Variants in TULP2 observed in about 807,000 individuals in gnomAD.
The protein encoded by TULP2 is tubby-related protein 2.
In TULP2, 64 loss-of-function variants were observed where a neutral mutation model predicts 60.3. That is an observed-to-expected ratio of 1.06 (90% confidence interval 0.87 to 1.31). The LOEUF (loss-of-function observed/expected upper bound fraction) is 1.31. Among genes scored for constraint, TULP2 ranks in the 50% most tolerant of loss-of-function variants. TULP2 has a pLI of 0.00. For synonymous variants in TULP2, 267 were observed against 265.4 expected, an observed-to-expected ratio of 1.01 and a Z score of -0.06; for missense variants, 652 against 667.0, an observed-to-expected ratio of 0.98 and a Z score of 0.25.
intron 6 of TULP2, among the ~76,000 whole-genome samples, chr19:48,890,979 A>G (rs2037227004): frequency 6.6e-6 from 1 of 152,132 alleles, no homozygotes; most frequent in African/African-American, 2.4e-5. Context: ...TAAGGGAATA[A>G]AAAGGAATGA....
At chr19:48,882,333 T>C (rs2037142185) in intron 11 of TULP2, 130 bp from the exon 12 acceptor site, 1 of 986,928 alleles carries the variant, frequency 1.0e-6, no homozygotes, top group Non-Finnish European at 1.5e-6. Flanking sequence ...GGATGAGACC[T>C]GCTGGGCTGC....
In TULP2 at chr19:48,882,163, T is replaced by G; in HGVS notation, c.1316A>C (p.Lys439Thr). 6.2e-7 allele frequency: 1 copy of G among 1,614,234 alleles called. No individual in the cohort carries two copies. Reference protein sequence around the residue: ...SLLSRYQRGDKQGLLLLHNKT... With the variant: ...SLLSRYQRGDTQGLLLLHNKT... Reference sequence around the variant, plus strand: ...GTTGTGCAACAAAAGCAACCCTTGTTTGTCCCCACGTTGGTAACGACTCAG... The same window carrying G: ...GTTGTGCAACAAAAGCAACCCTTGTGTGTCCCCACGTTGGTAACGACTCAG... Residue 439 changes from lysine to threonine, a missense_variant, in exon 12 of 13, where the codon AAA becomes ACA. Coordinates refer to ENST00000221399, the MANE Select transcript of TULP2 (RefSeq NM_003323.3).
At chr19:48,889,735 T>C in intron 6 of TULP2, 104 bp from the exon 7 acceptor site, 1 of 982,526 alleles carries the variant, frequency 1.0e-6, no homozygotes, top group South Asian at 2.0e-5. Flanking sequence ...CAAATTCTTC[T>C]GCCTTGGGAT....
rs540283383 is a variant in TULP2 at position 48,888,982 on chromosome 19, C to G, written c.636+528G>C. On this transcript the variant is annotated intron_variant, in intron 7 of 12. Coordinates refer to ENST00000221399, the MANE Select transcript of TULP2 (RefSeq NM_003323.3). ...TCTGAAGCTCGCTGTCTTTCCATGG[C>G]TGCACCTATTTTTTTTTTTTTTTGG... Among the ~76,000 whole-genome samples, 3 of 149,700 alleles carry G rather than the reference C, an allele frequency of 2.0e-5. No individual in the cohort carries two copies. The South Asian group carries it at 6.3e-4, about 31-fold the overall frequency.
Position 48,881,059 on chromosome 19 carries a change from T to G in TULP2, c.1515A>C (p.Pro505=). ...TGCTGAAGGCCTGGAGCGGGCTAAA[T>G]GGAAAGCAGAAGTCCATGGTGAATG... The part of the protein sequence containing the change: ...PDTFTMDFCF[P]FSPLQAFSIC... The change falls in exon 13 of 13, where the codon CCA becomes CCC. Residue 505 remains proline (P), a synonymous_variant. Transcript: ENST00000221399. 1 of 1,613,934 alleles carries G rather than the reference T, an allele frequency of 6.2e-7. No individual in the cohort carries two copies. The highest frequency in any genetic ancestry group is 8.5e-7 in the Non-Finnish European group (1 of 1,179,990).
At position 48,883,858 on chromosome 19, in the gene TULP2, G is replaced by T. The variant is rs1278164048; in HGVS notation, c.1177-6C>A. The T allele has an allele frequency of 1.2e-6, 2 of 1,613,912 alleles. No individual in the cohort carries two copies. The highest frequency in any genetic ancestry group is 1.7e-6 in the Non-Finnish European group (2 of 1,180,008). ...TATCCTAAGACGTTGGGCTCCTGGGGGTATTACATTCCAGTTGGCCTGGTT... is the reference window on the plus strand; with the variant it reads ...TATCCTAAGACGTTGGGCTCCTGGGTGTATTACATTCCAGTTGGCCTGGTT... On this transcript the variant is annotated splice_region_variant and splice_polypyrimidine_tract_variant and intron_variant, in intron 10 of 12. Coordinates refer to ENST00000221399, the MANE Select transcript of TULP2 (RefSeq NM_003323.3).
intron 9 of TULP2, among the ~76,000 whole-genome samples, chr19:48,884,490 G>T (rs958506879): frequency 5.9e-5 from 9 of 151,760 alleles, no homozygotes; most frequent in Non-Finnish European, 1.0e-4. Context: ...AATAAATGAG[G>T]CCGGGTACGG....
intron 9 of TULP2, among the ~76,000 whole-genome samples, chr19:48,884,556 T>C (rs1358252479): frequency 6.6e-6 from 1 of 151,930 alleles, no homozygotes; most frequent in Admixed American, 6.6e-5. Context: ...GGATCATCTG[T>C]GGTTGGGAGT....
In TULP2 at chr19:48,881,093, C is replaced by T. The variant is rs546297120; in HGVS notation, c.1481G>A (p.Gly494Asp). The T allele has an allele frequency of 2.9e-5, 47 of 1,613,466 alleles. No homozygotes were observed. In the South Asian group the frequency reaches 4.3e-4, roughly 15 times the overall value. Residue 494 changes from glycine to aspartate, a missense_variant, in exon 13 of 13, where the codon GGC becomes GAC. By Grantham distance (94) the Gly-to-Asp change is moderately conservative. Coordinates refer to ENST00000221399, the MANE Select transcript of TULP2 (RefSeq NM_003323.3). ...EHLVLQFGRVGPDTFTMDFCF... is the reference protein window; with the variant it reads ...EHLVLQFGRVDPDTFTMDFCF... ...GAAGTCCATGGTGAATGTGTCTGGG[C>T]CCACTCGGCCGAACTGGAGCACCAG...
chr19:48,883,919 C>T lies in TULP2; in HGVS notation c.1176+13G>A, dbSNP rs2037156948. 1 of 1,613,850 alleles carries T rather than the reference C, an allele frequency of 6.2e-7. No individual in the cohort carries two copies. The highest frequency in any genetic ancestry group is 1.3e-5 in the African/African-American group (1 of 74,864). The stretch of plus-strand genomic sequence containing the variant: ...ACTATCCTACCCCATTCTCTCATCC[C>T]CAGGACACTCACATAACACACAGCC... On this transcript the variant is annotated intron_variant, in intron 10 of 12. Transcript: ENST00000221399.
In TULP2 at chr19:48,894,979, C is replaced by T; in HGVS notation, c.514+19G>A. The T allele has an allele frequency of 1.2e-6, 2 of 1,604,824 alleles. No individual in the cohort carries two copies. The highest frequency in any genetic ancestry group is 1.7e-6 in the Non-Finnish European group (2 of 1,176,214). On this transcript the variant is annotated intron_variant, in intron 6 of 12. Transcript: ENST00000221399. ...GAACCAGGAGATCCCAGGTTTCACC[C>T]CAATGTCCCCTAAATTACCAGGTCG...
In TULP2 at chr19:48,897,473, C is replaced by G; in HGVS notation, c.33-77G>C. The G allele has an allele frequency of 1.4e-6, 2 of 1,476,570 alleles. No individual in the cohort carries two copies. The highest frequency in any genetic ancestry group is 1.9e-6 in the Non-Finnish European group (2 of 1,069,648). 91.5% of individuals were successfully genotyped at this position (1,476,570 alleles called of 1,614,324 possible). On this transcript the variant is annotated intron_variant, in intron 2 of 12. Transcript: ENST00000221399. The surrounding 1 kb of genome is among the most constrained non-coding windows in gnomAD (Gnocchi z 4.0). ...CAAGAGAGTCCCTCCTTCCCCCATC[C>G]TGCCCCTATCTCAGCTTGGGTTCTG...
At chr19:48,885,013 G>A (rs1010564936) in intron 9 of TULP2, among the ~76,000 whole-genome samples, 1 of 140,524 alleles carries the variant, frequency 7.1e-6, no homozygotes, top group African/African-American at 2.7e-5. Context: ...TGATTCTCCT[G>A]CATCAGCCTC....
intron 11 of TULP2, 92 bp from the exon 12 acceptor site, chr19:48,882,295 C>T (rs2123264719): frequency 7.1e-7 from 1 of 1,405,208 alleles, no homozygotes; most frequent in Non-Finnish European, 9.8e-7. Context: ...GGGGCGACTC[C>T]ATCTTGAACA....
chr19:48,883,830 A>G lies in TULP2; in HGVS notation c.1199T>C (p.Leu400Pro). ...VCYEPNVLGY[L>P]GPRKMTVILP... is the part of the protein sequence containing the mutation. ...AATCACAGTCATTTTCCGAGGCCCC[A>G]GGTATCCTAAGACGTTGGGCTCCTG... The change falls in exon 11 of 13, where the codon CTG becomes CCG. Residue 400 changes from leucine to proline, a missense_variant. By Grantham distance (98) the Leu-to-Pro change is moderately conservative. Coordinates refer to ENST00000221399, the MANE Select transcript of TULP2 (RefSeq NM_003323.3). 2 of 1,614,094 alleles carry G rather than the reference A, an allele frequency of 1.2e-6. No homozygotes were observed. Among genetic ancestry groups the G allele is most frequent in the Non-Finnish European group, 1.7e-6 (2 of 1,180,026 alleles).
At chr19:48,893,242 C>T (rs62128046) in intron 6 of TULP2, among the ~76,000 whole-genome samples, 12,917 of 151,928 alleles carry the variant, frequency 0.085, 686 homozygotes, top group South Asian at 0.17. Flanking sequence ...TGGTGGCACG[C>T]GCCTGTAACC....
chr19:48,883,135 C>T lies in TULP2; in HGVS notation c.1275+619G>A, dbSNP rs758463369. Among the ~76,000 whole-genome samples, 8 of 151,332 alleles carry T rather than the reference C, an allele frequency of 5.3e-5. No individual in the cohort carries two copies. The South Asian group carries it at 8.3e-4, about 16-fold the overall frequency. On this transcript the variant is annotated intron_variant, in intron 11 of 12. Coordinates refer to ENST00000221399, the MANE Select transcript of TULP2 (RefSeq NM_003323.3). ...TCAGGAGGCTGAGGCAGGAGAATGG[C>T]GTGAGCCGGGGAGGTCGAGCTTGCA...
At chr19:48,885,828 T>A (rs1458287059) in intron 8 of TULP2, among the ~76,000 whole-genome samples, 1 of 152,030 alleles carries the variant, frequency 6.6e-6, no homozygotes, top group East Asian at 1.9e-4. Flanking sequence ...GAGGTTGCAG[T>A]GAGCTGAGAT....
At chr19:48,883,894 ACTATC>A (rs1568568675) in intron 10 of TULP2, 33 bp downstream of exon 10, 2 of 1,613,792 alleles carry the variant, frequency 1.2e-6, no homozygotes, top group Non-Finnish European at 1.7e-6. Flanking sequence ...CCTTCTTCTG[ACTATC>A]CTACCCCATT....
Sources: gnomAD v4.1 joint callset for allele counts (sites outside exome capture counted in the v4.1 genomes callset) on GRCh38, gnomAD v4.1.1 for gene constraint, Gnocchi (gnomAD v3.1) non-coding constraint, MANE v1.5 for transcripts, NCBI Gene and HGNC (gene_info 2026-07-23, HGNC 2026-07-21) for gene names.